The following ADK variants were observed in gnomAD, a reference collection of about 807,000 sequenced individuals.
The protein encoded by ADK is adenosine kinase, also known as N6,N6-dimethyladenosine kinase.
In ADK, 24 loss-of-function variants were observed where a neutral mutation model predicts 44.7. The observed-to-expected ratio is 0.54, with a 90% CI of 0.39 to 0.76. ADK has a LOEUF of 0.76. ADK is among the 30% of genes least tolerant of loss of function. ADK has a pLI of 0.00. For synonymous variants in ADK, 128 were observed against 142.6 expected (o/e 0.90, Z 0.73); for missense variants, 321 against 425.1 (o/e 0.76, Z 2.15).
chr10:74,472,639 A>G (rs1589145443), intron 6 of ADK, among the ~76,000 whole-genome samples: 1 of 152,238 alleles, frequency 6.6e-6, no homozygotes, highest in East Asian at 1.9e-4. Context: ...TACTAGCTAC[A>G]TGTGGCTCTT....
At chr10:74,364,687 GGTGTGTGTGTGT>G (rs58295310) in intron 4 of ADK, among the ~76,000 whole-genome samples, 10,044 of 136,370 alleles carry the variant, frequency 0.074, 424 homozygotes, top group Admixed American at 0.1. Context: ...CAAAGGCTAT[GGTGTGTGTGTGT>G]GTGTGTGTGT....
At chr10:74,423,580 CT>C in intron 6 of ADK, 1 of 258,598 alleles carries the variant, frequency 3.9e-6, no homozygotes. Flanking sequence ...TCATTGCAGT[CT>C]TTACTGATGT....
chr10:74,628,101 T>C (rs1159537914), intron 9 of ADK, among the ~76,000 whole-genome samples: 1 of 152,210 alleles, frequency 6.6e-6, no homozygotes, highest in Non-Finnish European at 1.5e-5. Context: ...CATCTATACA[T>C]AGAGACATTT....
At chr10:74,155,524 T>G (rs945242198) in intron 1 of ADK, among the ~76,000 whole-genome samples, 26 of 152,058 alleles carry the variant, frequency 1.7e-4, no homozygotes, top group African/African-American at 5.6e-4. Flanking sequence ...ATATATATTT[T>G]TTTGTTTGTT....
chr10:74,284,321 A>G (rs1226140427), intron 3 of ADK, among the ~76,000 whole-genome samples: 4 of 149,416 alleles, frequency 2.7e-5, no homozygotes, highest in Non-Finnish European at 5.9e-5. Context: ...AGGCTGTGCA[A>G]TGGCACGATC....
At chr10:74,242,288 G>A (rs966968537) in intron 3 of ADK, among the ~76,000 whole-genome samples, 3 of 152,164 alleles carry the variant, frequency 2.0e-5, no homozygotes, top group African/African-American at 7.2e-5. Context: ...TATCTGGAAG[G>A]TGTTCAGACA....
intron 10 of ADK, among the ~76,000 whole-genome samples, chr10:74,673,393 TGGGCGCAG>T (rs1855253682): frequency 1.3e-5 from 2 of 152,198 alleles, no homozygotes; most frequent in South Asian, 4.1e-4. Context: ...TTGCAGTGTG[TGGGCGCAG>T]GAACTAGCCA....
chr10:74,301,729 T>C (rs1418548753), intron 3 of ADK, among the ~76,000 whole-genome samples: 2 of 152,078 alleles, frequency 1.3e-5, no homozygotes, highest in African/African-American at 4.8e-5. Flanking sequence ...CCAAACTATT[T>C]ACTACCTGGC....
chr10:74,665,610 C>T (rs1252344154), intron 9 of ADK, among the ~76,000 whole-genome samples: 1 of 151,924 alleles, frequency 6.6e-6, no homozygotes, highest in African/African-American at 2.4e-5. Context: ...TGGCTTGCAC[C>T]TGTAGTCCTA....
chr10:74,175,160 C>T (rs1164987752), intron 1 of ADK, among the ~76,000 whole-genome samples: 2 of 152,152 alleles, frequency 1.3e-5, no homozygotes, highest in Admixed American at 6.5e-5. Flanking sequence ...GCGGGCAGAT[C>T]GCTTGAGGCC....
chr10:74,537,878 T>C (rs533998066), intron 7 of ADK, among the ~76,000 whole-genome samples: 1 of 152,144 alleles, frequency 6.6e-6, no homozygotes, highest in Admixed American at 6.6e-5. Context: ...AGTTAAATTT[T>C]TTCATAGGGA....
chr10:74,638,277 A>G (rs944721375), intron 9 of ADK, among the ~76,000 whole-genome samples: 3 of 152,240 alleles, frequency 2.0e-5, no homozygotes, highest in Non-Finnish European at 4.4e-5. Flanking sequence ...TATATAATAT[A>G]TCAATACCAC....
chr10:74,506,489 G>A (rs755400692), intron 6 of ADK: 105 of 155,002 alleles, frequency 6.8e-4, no homozygotes, highest in South Asian at 1.4e-3. Flanking sequence ...AGAACCATGA[G>A]AGATCACTTT....
intron 1 of ADK, among the ~76,000 whole-genome samples, chr10:74,182,884 T>C (rs1199577997): frequency 6.6e-6 from 1 of 152,220 alleles, no homozygotes; most frequent in African/African-American, 2.4e-5. Flanking sequence ...CAGTCACGTC[T>C]CCCTACCTCT....
intron 7 of ADK, among the ~76,000 whole-genome samples, chr10:74,529,790 T>G (rs1332008840): frequency 6.6e-6 from 1 of 152,192 alleles, no homozygotes; most frequent in African/African-American, 2.4e-5. Flanking sequence ...AGTGGATACA[T>G]AGTATATTTT....
chr10:74,618,335 G>A (rs189386651), intron 9 of ADK, among the ~76,000 whole-genome samples: 4 of 151,944 alleles, frequency 2.6e-5, no homozygotes, highest in South Asian at 2.1e-4. Context: ...CTGTTGCCCA[G>A]ACTGGAGTGC....
intron 4 of ADK, among the ~76,000 whole-genome samples, chr10:74,351,651 T>C (rs1388340959): frequency 1.3e-5 from 2 of 152,124 alleles, no homozygotes; most frequent in African/African-American, 4.8e-5. Flanking sequence ...GATGACATGA[T>C]TGTATATTTA....
chr10:74,397,549 T>C (rs1431169586), intron 5 of ADK, among the ~76,000 whole-genome samples: 1 of 152,104 alleles, frequency 6.6e-6, no homozygotes, highest in East Asian at 1.9e-4. Context: ...TATTTATTTA[T>C]TTTTTAGAGA....
rs558072207 is a variant in ADK at position 74,306,312 on chromosome 10, CT to C, written c.195-8354del. Among the ~76,000 whole-genome samples, 5 of 152,014 alleles carry C rather than the reference CT, an allele frequency of 3.3e-5. No homozygotes were observed. The East Asian group carries it at 7.7e-4, about 23-fold the overall frequency. On this transcript the variant is annotated intron_variant, in intron 3 of 10. Transcript: ENST00000539909. ...ATTTTTATTTTATCTTCTTTATCTT[CT>C]GTTTCTTTGCTGAGTCTTTTCACTT...
Sources: allele counts gnomAD v4.1 joint callset (sites outside exome capture counted in the v4.1 genomes callset), GRCh38; gene constraint gnomAD v4.1.1; transcripts MANE v1.5; gene names NCBI Gene and HGNC (gene_info 2026-07-23, HGNC 2026-07-21).